The following EPN2 variants were observed in gnomAD, a reference collection of about 807,000 sequenced individuals.
EPN2 encodes epsin 2, also known as epsin-2.
EPN2 carries 34 observed loss-of-function variants against 61.7 expected under a neutral mutation model. That is an observed-to-expected ratio of 0.55 (90% CI 0.42 to 0.73). EPN2 has a LOEUF of 0.73. Ranked by LOEUF, EPN2 falls within the 30% of genes least tolerant of loss-of-function variation. The pLI, the probability that EPN2 is intolerant of heterozygous loss-of-function variation, is 0.00. For missense variants in EPN2, 714 were observed against 839.2 expected, an observed-to-expected ratio of 0.85 and a Z score of 1.84; for synonymous variants, 349 against 353.6, an observed-to-expected ratio of 0.99 and a Z score of 0.15.
chr17:19,330,713 C>G (rs1299944650), intron 9 of EPN2: 1 of 152,450 alleles, frequency 6.6e-6, no homozygotes, highest in Non-Finnish European at 1.5e-5. Context: ...CATTTATCCC[C>G]TGCCGGTGCA....
At chr17:19,286,310 T>A (rs1454855988) in intron 4 of EPN2, among the ~76,000 whole-genome samples, 1 of 152,208 alleles carries the variant, frequency 6.6e-6, no homozygotes, top group African/African-American at 2.4e-5. Context: ...ACTGCTGTTC[T>A]TCCTGAAATC....
intron 4 of EPN2, among the ~76,000 whole-genome samples, chr17:19,295,369 C>CGCGT (rs1555600597): frequency 7.7e-6 from 1 of 130,576 alleles, no homozygotes; most frequent in East Asian, 3.7e-4. Context: ...CACACACACG[C>CGCGT]GCGTGCGCGC....
intron 4 of EPN2, among the ~76,000 whole-genome samples, chr17:19,299,809 C>G (rs1468671266): frequency 6.6e-6 from 1 of 152,248 alleles, no homozygotes; most frequent in Non-Finnish European, 1.5e-5. Context: ...TGTTGGGGCT[C>G]TCCCTTTTTT....
chr17:19,282,724 G>C (rs1229817464), intron 2 of EPN2: 1 of 159,352 alleles, frequency 6.3e-6, no homozygotes, highest in East Asian at 1.8e-4. Context: ...TTTGAAAATA[G>C]AGCAATAGTC....
intron 9 of EPN2, among the ~76,000 whole-genome samples, chr17:19,331,427 G>C (rs1458479219): frequency 6.6e-6 from 1 of 151,934 alleles, no homozygotes; most frequent in African/African-American, 2.4e-5. Flanking sequence ...TTGCCTCTAT[G>C]GGCTGAATTT....
At chr17:19,260,927 A>G (rs1170459664) in intron 1 of EPN2, among the ~76,000 whole-genome samples, 4 of 152,092 alleles carry the variant, frequency 2.6e-5, no homozygotes, top group East Asian at 3.8e-4. Flanking sequence ...AGATTTTTCC[A>G]TATCAGTGCA....
At chr17:19,249,431 A>G (rs576490266) in intron 1 of EPN2, 4 of 152,270 alleles carry the variant, frequency 2.6e-5, no homozygotes, top group African/African-American at 9.6e-5. Context: ...GGTAATGTCT[A>G]TGTGATTAAA....
chr17:19,245,044 A>G (rs2044929803), intron 1 of EPN2, among the ~76,000 whole-genome samples: 1 of 152,222 alleles, frequency 6.6e-6, no homozygotes, highest in South Asian at 2.1e-4. Context: ...AAGCTTGGTC[A>G]TGGGCACCTG....
chr17:19,270,684 C>T (rs2045243862), intron 1 of EPN2, among the ~76,000 whole-genome samples: 1 of 152,188 alleles, frequency 6.6e-6, no homozygotes, highest in Admixed American at 6.5e-5. Flanking sequence ...GCTCAGCTTG[C>T]CTCGGACCAT....
At chr17:19,326,646 C>T (rs1373712748) in intron 7 of EPN2, among the ~76,000 whole-genome samples, 2 of 141,326 alleles carry the variant, frequency 1.4e-5, no homozygotes, top group African/African-American at 5.4e-5. Flanking sequence ...ATGATTGCGC[C>T]ACTGCACTCC....
intron 7 of EPN2, among the ~76,000 whole-genome samples, chr17:19,321,164 C>A (rs1567867564): frequency 6.6e-6 from 1 of 152,106 alleles, no homozygotes; most frequent in Non-Finnish European, 1.5e-5. Flanking sequence ...CAGCAAGTGC[C>A]CCACATACAG....
At chr17:19,238,171 C>A (rs990775247) in intron 1 of EPN2, among the ~76,000 whole-genome samples, 1 of 152,238 alleles carries the variant, frequency 6.6e-6, no homozygotes, top group African/African-American at 2.4e-5. Flanking sequence ...AGCCAGGCTC[C>A]AGCTGCCTTT....
At chr17:19,331,141 G>A (rs563703505) in intron 9 of EPN2, among the ~76,000 whole-genome samples, 1 of 152,140 alleles carries the variant, frequency 6.6e-6, no homozygotes, top group African/African-American at 2.4e-5. Flanking sequence ...AAAATACTTT[G>A]TTGCTATATA....
chr17:19,248,759 G>A (rs529963447), intron 1 of EPN2, among the ~76,000 whole-genome samples: 9 of 152,334 alleles, frequency 5.9e-5, no homozygotes, highest in African/African-American at 1.9e-4. Context: ...TTTCAAAATA[G>A]TTTTTGGTCT....
chr17:19,242,132 GAAAAA>G (rs5819664), intron 1 of EPN2, among the ~76,000 whole-genome samples: 4 of 115,376 alleles, frequency 3.5e-5, no homozygotes, highest in African/African-American at 1.2e-4. Flanking sequence ...TGTTTGATCT[GAAAAA>G]AAAAAAAAAA....
chr17:19,243,385 T>A (rs28481693), intron 1 of EPN2, among the ~76,000 whole-genome samples: 1 of 64,588 alleles, frequency 1.5e-5, no homozygotes, highest in South Asian at 1.5e-3. Flanking sequence ...GCCTGGCTAA[T>A]TTTTTTTTTT....
At chr17:19,307,303 A>G (rs929450708) in intron 4 of EPN2, among the ~76,000 whole-genome samples, 4 of 152,038 alleles carry the variant, frequency 2.6e-5, no homozygotes, top group Non-Finnish European at 5.9e-5. Flanking sequence ...TTATGTTTTT[A>G]TAGCTGCAAC....
intron 1 of EPN2, among the ~76,000 whole-genome samples, chr17:19,270,025 A>T (rs2045238236): frequency 6.6e-6 from 1 of 152,212 alleles, no homozygotes; most frequent in Non-Finnish European, 1.5e-5. Flanking sequence ...GATTAAGAGG[A>T]TGGGATCAGA....
rs1162172422 is a variant in EPN2, at chr17:19,289,074, GTTTTTTTTTTTTTTTT to G, written c.766+3297_766+3312del. On this transcript the variant is annotated intron_variant, in intron 4 of 10. Coordinates refer to ENST00000314728, the MANE Select transcript of EPN2 (RefSeq NM_014964.5). Reference sequence around the variant, plus strand: ...TGGGCAGTAGCCAGGTTCTGGGTATGTTTTTTTTTTTTTTTTTTTTTTTTTTTTGAGACAGAATCTT... The same window carrying G: ...TGGGCAGTAGCCAGGTTCTGGGTATGTTTTTTTTTTTTGAGACAGAATCTT... 7.3e-5 allele frequency among the ~76,000 whole-genome samples: 5 copies of G among 68,670 alleles called. 1 individual carries two copies. 45.1% of individuals were successfully genotyped at this position (68,670 alleles called of 152,430 possible). A position where few individuals can be genotyped will look rare whatever the true frequency, so the allele number is the denominator to read the frequency against.
Sources: gnomAD v4.1 joint callset for allele counts (sites outside exome capture counted in the v4.1 genomes callset) on GRCh38, gnomAD v4.1.1 for gene constraint, MANE v1.5 for transcripts, NCBI Gene and HGNC (gene_info 2026-07-23, HGNC 2026-07-21) for gene names.